EYS: variants seen among roughly 807,000 people sequenced by gnomAD.
EYS encodes EGF-like photoreceptor maintenance factor.
A neutral mutation model predicts 282.1 loss-of-function variants in EYS; 250 were observed. The ratio of observed to expected loss-of-function variants is 0.89; its 90% confidence interval spans 0.80 to 0.98. The LOEUF (loss-of-function observed/expected upper bound fraction) is 0.98, where lower values mean the gene tolerates loss of function less well. Ranked by LOEUF, EYS falls within the 50% of genes least tolerant of loss-of-function variation. The pLI, the probability that EYS is intolerant of heterozygous loss-of-function variation, is 0.00. For missense variants in EYS, 4,016 were observed against 3,709.0 expected (o/e 1.08, Z -2.15); for synonymous variants, 1,355 against 1,282.9 (o/e 1.06, Z -1.20).
rs547434179 is a variant in EYS, at chr6:64,630,079, A to C, written c.3444-3834T>G. 4.6e-5 allele frequency among the ~76,000 whole-genome samples: 7 copies of C among 151,912 alleles called. No individual in the cohort carries two copies. The East Asian group carries it at 1.4e-3, about 29-fold the overall frequency. On this transcript the variant is annotated intron_variant, in intron 22 of 42. Coordinates refer to ENST00000503581, the MANE Select transcript of EYS (RefSeq NM_001142800.2). Reference sequence around the variant, plus strand: ...GTTAAGGAGTTTACCTTTTATTCTGAGATTTTTTTTGTTTTTTGTTTTTAT... The same window carrying C: ...GTTAAGGAGTTTACCTTTTATTCTGCGATTTTTTTTGTTTTTTGTTTTTAT...
At chr6:64,094,808 T>A (rs1772524708) in intron 31 of EYS, among the ~76,000 whole-genome samples, 1 of 152,174 alleles carries the variant, frequency 6.6e-6, no homozygotes. Flanking sequence ...TTTGAATGTG[T>A]TTGCTCTTGC....
At chr6:63,724,374 T>G (rs967182420) in intron 42 of EYS, among the ~76,000 whole-genome samples, 14 of 151,832 alleles carry the variant, frequency 9.2e-5, no homozygotes, top group African/African-American at 3.4e-4. Context: ...TGTATATACA[T>G]TTTTTTCTGT....
intron 10 of EYS, among the ~76,000 whole-genome samples, chr6:65,336,732 TA>T (rs1384824494): frequency 6.6e-6 from 1 of 151,290 alleles, no homozygotes; most frequent in Non-Finnish European, 1.5e-5. Flanking sequence ...CATGTTTGTT[TA>T]ATATTTTCAT....
At chr6:63,817,462 G>A (rs1244241937) in intron 36 of EYS, among the ~76,000 whole-genome samples, 1 of 152,206 alleles carries the variant, frequency 6.6e-6, no homozygotes, top group Non-Finnish European at 1.5e-5. Flanking sequence ...TTGGGGACCT[G>A]TTAAGTGGCA....
intron 26 of EYS, among the ~76,000 whole-genome samples, chr6:64,479,759 A>G (rs1776379882): frequency 1.3e-5 from 2 of 151,968 alleles, no homozygotes; most frequent in Non-Finnish European, 2.9e-5. Flanking sequence ...TAGATGCTGA[A>G]TTTATCAGGA....
intron 16 of EYS, among the ~76,000 whole-genome samples, chr6:64,906,616 C>G (rs1180775867): frequency 6.6e-6 from 1 of 152,122 alleles, no homozygotes; most frequent in Non-Finnish European, 1.5e-5. Context: ...TTCCATCAAG[C>G]GTAGGATCCC....
At chr6:64,267,569 T>TATGGCACAAG (rs1158464447) in intron 30 of EYS, among the ~76,000 whole-genome samples, 3 of 151,946 alleles carry the variant, frequency 2.0e-5, no homozygotes, top group Non-Finnish European at 4.4e-5. Flanking sequence ...AGAAATACAA[T>TATGGCACAAG]AAAATCATAA....
At chr6:65,192,471 T>C in intron 12 of EYS, among the ~76,000 whole-genome samples, 1 of 151,750 alleles carries the variant, frequency 6.6e-6, no homozygotes, top group East Asian at 1.9e-4. Context: ...AGGACTATAA[T>C]TTTTTACAAA....
intron 35 of EYS, among the ~76,000 whole-genome samples, chr6:63,875,224 G>T (rs1029538182): frequency 6.6e-6 from 1 of 152,216 alleles, no homozygotes; most frequent in Non-Finnish European, 1.5e-5. Flanking sequence ...CATCTATTGA[G>T]ATAATCATGT....
chr6:63,847,340 G>T (rs1330123556), intron 36 of EYS, among the ~76,000 whole-genome samples: 1 of 152,106 alleles, frequency 6.6e-6, no homozygotes, highest in Non-Finnish European at 1.5e-5. Context: ...TCAGAATTTG[G>T]TTGCAAGCTA....
chr6:65,507,254 T>C (rs1766693646), intron 2 of EYS, among the ~76,000 whole-genome samples: 1 of 152,144 alleles, frequency 6.6e-6, no homozygotes, highest in African/African-American at 2.4e-5. Flanking sequence ...ACTCTTCTCA[T>C]TTGTATAGTT....
At chr6:63,997,398 A>T (rs994204818) in intron 34 of EYS, among the ~76,000 whole-genome samples, 3 of 152,150 alleles carry the variant, frequency 2.0e-5, no homozygotes, top group African/African-American at 2.4e-5. Flanking sequence ...AGCGTGACCA[A>T]ATTGAGCTTT....
At chr6:65,063,882 A>G (rs1246473675) in intron 12 of EYS, among the ~76,000 whole-genome samples, 3 of 151,806 alleles carry the variant, frequency 2.0e-5, no homozygotes, top group Non-Finnish European at 2.9e-5. Context: ...ACTGGTACTG[A>G]TAGAAGCCAA....
intron 18 of EYS, among the ~76,000 whole-genome samples, chr6:64,893,684 A>T (rs1217189893): frequency 2.0e-5 from 3 of 152,040 alleles, no homozygotes; most frequent in Non-Finnish European, 1.5e-5. Context: ...ATTTTCTAAG[A>T]ATAGAATAAT....
chr6:64,533,357 C>G lies in EYS; in HGVS notation c.5644+56866G>C, dbSNP rs564694944. On this transcript the variant is annotated intron_variant, in intron 26 of 42. Transcript: ENST00000503581. ...AGCATAAATCTATAGTTCTGAGAAG[C>G]CAGCAAACTACAAACAAGATAAAGT... Among the ~76,000 whole-genome samples the G allele has an allele frequency of 4.2e-4, 64 of 152,056 alleles. 1 individual carries two copies. In the South Asian group the frequency reaches 4.6e-3, roughly 11 times the overall value.
chr6:65,684,911 G>C (rs900797600), intron 1 of EYS, among the ~76,000 whole-genome samples: 2 of 151,680 alleles, frequency 1.3e-5, no homozygotes, highest in Admixed American at 6.6e-5. Context: ...CCCTCAAGTG[G>C]GCCCCGGTGT....
At chr6:65,574,162 T>C (rs1284956030) in intron 2 of EYS, among the ~76,000 whole-genome samples, 1 of 152,202 alleles carries the variant, frequency 6.6e-6, no homozygotes, top group Non-Finnish European at 1.5e-5. Context: ...GACTGTTCCA[T>C]GTGTGCCACC....
intron 14 of EYS, among the ~76,000 whole-genome samples, chr6:64,967,103 A>G (rs1188646951): frequency 6.6e-6 from 1 of 152,134 alleles, no homozygotes; most frequent in Non-Finnish European, 1.5e-5. Context: ...TTACTGGGAT[A>G]TTATCTTTAG....
intron 7 of EYS, among the ~76,000 whole-genome samples, chr6:65,397,620 G>A (rs947131248): frequency 6.8e-6 from 1 of 148,100 alleles, no homozygotes; most frequent in Non-Finnish European, 1.5e-5. Flanking sequence ...GTGTGTGTGT[G>A]TGTGTGTGTG....
Sources: allele counts gnomAD v4.1 joint callset (sites outside exome capture counted in the v4.1 genomes callset), GRCh38; gene constraint gnomAD v4.1.1; transcripts MANE v1.5; gene names NCBI Gene and HGNC (gene_info 2026-07-23, HGNC 2026-07-21).